Variants in SLC66A2 observed in about 807,000 individuals in gnomAD.
SLC66A2 encodes the protein solute carrier family 66 member 2.
In SLC66A2, 23 loss-of-function variants were observed where a neutral mutation model predicts 25.5. The observed-to-expected ratio is 0.90, with a 90% confidence interval of 0.65 to 1.28. The LOEUF is 1.28. Among genes scored for constraint, SLC66A2 ranks in the 50% most tolerant of loss-of-function variants. The pLI is 0.00. For synonymous variants in SLC66A2, 193 were observed against 166.5 expected, an observed-to-expected ratio of 1.16 and a Z score of -1.23; for missense variants, 396 against 373.1, an observed-to-expected ratio of 1.06 and a Z score of -0.51.
At chr18:79,942,565 T>TGATA in intron 3 of SLC66A2, among the ~76,000 whole-genome samples, 1 of 152,314 alleles carries the variant, frequency 6.6e-6, no homozygotes, top group South Asian at 2.1e-4. Flanking sequence ...CTTCTCCAAG[T>TGATA]GATAGCTGAG....
In SLC66A2 at chr18:79,904,596, T is replaced by C. The variant is rs916854981; in HGVS notation, c.609-413A>G. 1.3e-5 allele frequency among the ~76,000 whole-genome samples: 2 copies of C among 152,044 alleles called. No homozygotes were observed. Among genetic ancestry groups the C allele is most frequent in the East Asian group, 1.9e-4 (1 of 5,174 alleles). On this transcript the variant is annotated intron_variant, in intron 5 of 5. Coordinates refer to ENST00000397778, the MANE Select transcript of SLC66A2 (RefSeq NM_025078.5). The surrounding 1 kb of genome is among the most constrained non-coding windows in gnomAD (Gnocchi z 6.3). ...AGGGCCCCTGGTGCGCGGTGGCAAT[T>C]CTGGGAGGGGCCGGGCCTGGGAGGG...
At chr18:79,922,940 C>CAG (rs965131434) in intron 4 of SLC66A2, among the ~76,000 whole-genome samples, 2 of 151,462 alleles carry the variant, frequency 1.3e-5, no homozygotes, top group Non-Finnish European at 2.9e-5. Context: ...GCAGTGAGGG[C>CAG]AGGGGTGGCC....
chr18:79,909,410 G>A (rs1234785340), intron 5 of SLC66A2, among the ~76,000 whole-genome samples: 4 of 151,978 alleles, frequency 2.6e-5, no homozygotes, highest in South Asian at 2.1e-4. Flanking sequence ...TCACCACGAT[G>A]TACCCAACCT....
At chr18:79,936,130 G>A (rs748564777) in intron 3 of SLC66A2, among the ~76,000 whole-genome samples, 1 of 152,232 alleles carries the variant, frequency 6.6e-6, no homozygotes, top group Non-Finnish European at 1.5e-5. Flanking sequence ...ACTGCTGTTG[G>A]CACATGAAGG....
chr18:79,934,114 T>C, intron 3 of SLC66A2, 92 bp from the exon 4 acceptor site: 4 of 963,150 alleles, frequency 4.2e-6, no homozygotes, highest in Non-Finnish European at 6.1e-6. Context: ...TTCCCAGAAC[T>C]TTTTGCATTT....
At chr18:79,912,168 G>A (rs1983322805) in intron 5 of SLC66A2, among the ~76,000 whole-genome samples, 1 of 150,508 alleles carries the variant, frequency 6.6e-6, no homozygotes, top group Non-Finnish European at 1.5e-5. Flanking sequence ...GCGAGGGGAT[G>A]GGAGCAGGGA....
chr18:79,938,314 C>T (rs1391510379), intron 3 of SLC66A2, among the ~76,000 whole-genome samples: 1 of 152,180 alleles, frequency 6.6e-6, no homozygotes, highest in Non-Finnish European at 1.5e-5. Flanking sequence ...ACCCAGCACA[C>T]GAGAGACAGG....
chr18:79,928,334 G>A (rs1174105217), intron 4 of SLC66A2, among the ~76,000 whole-genome samples: 3 of 152,194 alleles, frequency 2.0e-5, no homozygotes, highest in African/African-American at 4.8e-5. Flanking sequence ...TGGCTGCTGC[G>A]TTTACTCAAT....
rs1382401179 is a variant in SLC66A2, at chr18:79,940,149, A to G, written c.337+3180T>C. Among the ~76,000 whole-genome samples, 1 of 152,220 alleles carries G rather than the reference A, an allele frequency of 6.6e-6. No homozygotes were observed. The highest frequency in any genetic ancestry group is 1.5e-5 in the Non-Finnish European group (1 of 68,042). On this transcript the variant is annotated intron_variant, in intron 3 of 5. Coordinates refer to ENST00000397778, the MANE Select transcript of SLC66A2 (RefSeq NM_025078.5). The surrounding 1 kb of genome is among the most constrained non-coding windows in gnomAD (Gnocchi z 4.1). ...ACGGGAACAGAAGACCAAATGCCGC[A>G]TGTTCTCACGTGTAAGTGGGAGCTA...
chr18:79,938,873 T>C (rs1423678768), intron 3 of SLC66A2, among the ~76,000 whole-genome samples: 2 of 152,144 alleles, frequency 1.3e-5, no homozygotes, highest in African/African-American at 2.4e-5. Flanking sequence ...AGACGGGGTT[T>C]CACCATGTTG....
intron 5 of SLC66A2, among the ~76,000 whole-genome samples, chr18:79,911,497 C>T (rs1983107782): frequency 6.6e-6 from 1 of 152,274 alleles, no homozygotes; most frequent in Admixed American, 6.5e-5. Flanking sequence ...TCCCTGTCCC[C>T]AGGTCACCGC....
intron 3 of SLC66A2, among the ~76,000 whole-genome samples, chr18:79,934,722 T>C (rs979653839): frequency 1.3e-5 from 2 of 152,156 alleles, no homozygotes; most frequent in Non-Finnish European, 2.9e-5. Flanking sequence ...CCCATGGGGT[T>C]TGGGATTGAA....
At position 79,904,148 on chromosome 18, in the gene SLC66A2, G is replaced by T; in HGVS notation, c.644C>A (p.Ala215Asp). The change falls in exon 6 of 6, where the codon GCC (alanine) becomes GAC (aspartate). Residue 215 changes from alanine to aspartate, a missense_variant. Transcript: ENST00000397778. The surrounding 1 kb of genome is among the most constrained non-coding windows in gnomAD (Gnocchi z 6.3). ...CAGCAGGAAGTAGGCCGTCTTGAAG[G>T]CGTCACCACTGGTCCACATGAGCAC... ...KMVLMWTSGDAFKTAYFLLKG... is the reference protein window; with the variant it reads ...KMVLMWTSGDDFKTAYFLLKG... The T allele has an allele frequency of 4.3e-6, 7 of 1,612,994 alleles. No individual in the cohort carries two copies. Among genetic ancestry groups the T allele is most frequent in the Non-Finnish European group, 5.9e-6 (7 of 1,179,796 alleles).
chr18:79,950,380 A>G (rs2051077059), intron 2 of SLC66A2, among the ~76,000 whole-genome samples: 2 of 152,062 alleles, frequency 1.3e-5, no homozygotes, highest in South Asian at 2.1e-4. Flanking sequence ...GAAAAACTAT[A>G]CAACATGAAA....
At chr18:79,906,276 C>G (rs547786663) in intron 5 of SLC66A2, among the ~76,000 whole-genome samples, 8 of 152,274 alleles carry the variant, frequency 5.3e-5, no homozygotes, top group African/African-American at 1.4e-4. Context: ...TTCCTTCCTT[C>G]TGCTGGCTTG....
At chr18:79,909,696 C>G (rs1196159585) in intron 5 of SLC66A2, among the ~76,000 whole-genome samples, 4 of 132,894 alleles carry the variant, frequency 3.0e-5, no homozygotes, top group African/African-American at 5.7e-5. Context: ...GAGTCCCCAA[C>G]CTTCCCCACC....
At chr18:79,932,102 T>G (rs550954990) in intron 4 of SLC66A2, among the ~76,000 whole-genome samples, 1 of 152,332 alleles carries the variant, frequency 6.6e-6, no homozygotes, top group East Asian at 1.9e-4. Context: ...AGAAGACATT[T>G]TGGGATATTC....
chr18:79,918,847 T>C lies in SLC66A2; in HGVS notation c.608+337A>G, dbSNP rs1326608952. On this transcript the variant is annotated intron_variant, in intron 5 of 5. Coordinates refer to ENST00000397778, the MANE Select transcript of SLC66A2 (RefSeq NM_025078.5). This position sits in a 1 kb window ranked among gnomAD's most constrained non-coding sequence, Gnocchi z 4.0. ...TGCCCCACCAGACCCGCCCTGACCC[T>C]GGGCCAGGCTGGTTGCCCTGCACTC... is the stretch of plus-strand genomic sequence containing the variant. Among the ~76,000 whole-genome samples the C allele has an allele frequency of 6.6e-6, 1 of 152,194 alleles. No individual in the cohort carries two copies. Among genetic ancestry groups the C allele is most frequent in the African/African-American group, 2.4e-5 (1 of 41,460 alleles).
intron 5 of SLC66A2, among the ~76,000 whole-genome samples, chr18:79,909,453 T>TC: frequency 6.6e-6 from 1 of 150,424 alleles, no homozygotes; most frequent in African/African-American, 2.5e-5. Context: ...TCCTCAACCT[T>TC]CCCCACAACC....
Sources: gnomAD v4.1 joint callset for allele counts (sites outside exome capture counted in the v4.1 genomes callset) on GRCh38, gnomAD v4.1.1 for gene constraint, Gnocchi (gnomAD v3.1) non-coding constraint, MANE v1.5 for transcripts, NCBI Gene and HGNC (gene_info 2026-07-23, HGNC 2026-07-21) for gene names.